UTRN: variants seen among roughly 807,000 people sequenced by gnomAD.
The protein encoded by UTRN is dystrophin-related protein 1.
UTRN carries 283 observed loss-of-function variants against 463.9 expected under a neutral mutation model. The observed-to-expected ratio is 0.61, with a 90% CI of 0.55 to 0.67. The LOEUF (loss-of-function observed/expected upper bound fraction) is 0.67, where lower values mean the gene tolerates loss of function less well. Ranked by LOEUF, UTRN falls within the 30% of genes least tolerant of loss-of-function variation. UTRN has a pLI of 0.00. For missense variants in UTRN, 3,922 were observed against 4,084.3 expected (o/e 0.96, Z 1.08); for synonymous variants, 1,442 against 1,431.5 (o/e 1.01, Z -0.17).
intron 51 of UTRN, among the ~76,000 whole-genome samples, chr6:144,594,855 A>C (rs761639228): frequency 6.6e-6 from 1 of 152,162 alleles, no homozygotes; most frequent in Non-Finnish European, 1.5e-5. Context: ...TGACAGTAAG[A>C]TTTTGAAACC....
intron 2 of UTRN, among the ~76,000 whole-genome samples, chr6:144,396,871 C>A (rs1260039001): frequency 6.6e-6 from 1 of 152,140 alleles, no homozygotes; most frequent in African/African-American, 2.4e-5. Flanking sequence ...CTCTTATATA[C>A]TTCCTACTCC....
At chr6:144,720,747 A>G (rs1787050619) in intron 53 of UTRN, among the ~76,000 whole-genome samples, 1 of 152,014 alleles carries the variant, frequency 6.6e-6, no homozygotes, top group African/African-American at 2.4e-5. Flanking sequence ...TTTTCAACAC[A>G]CAGCTCATGT....
At chr6:144,824,572 T>TTATATATATATATATA (rs71028314) in intron 66 of UTRN, among the ~76,000 whole-genome samples, 2 of 37,898 alleles carry the variant, frequency 5.3e-5, no homozygotes, top group Non-Finnish European at 9.6e-5. Flanking sequence ...AGCATTTTAT[T>TTATATATATATATATA]TATATATATA....
At chr6:144,834,939 C>A (rs534586062) in intron 69 of UTRN, among the ~76,000 whole-genome samples, 1 of 152,218 alleles carries the variant, frequency 6.6e-6, no homozygotes, top group African/African-American at 2.4e-5. Context: ...AAACGGACCA[C>A]GTGCCATCTG....
chr6:144,596,998 G>A (rs1803716838), intron 51 of UTRN, among the ~76,000 whole-genome samples: 1 of 152,104 alleles, frequency 6.6e-6, no homozygotes, highest in Non-Finnish European at 1.5e-5. Flanking sequence ...CAGCACTTTG[G>A]GAGGCCAAGG....
At chr6:144,450,428 C>G (rs146438486) in intron 17 of UTRN, among the ~76,000 whole-genome samples, 1 of 152,162 alleles carries the variant, frequency 6.6e-6, no homozygotes, top group African/African-American at 2.4e-5. Context: ...CTCTGCTTTC[C>G]CTTGGCAAGG....
chr6:144,360,273 A>G (rs1267152707), intron 2 of UTRN, among the ~76,000 whole-genome samples: 1 of 151,702 alleles, frequency 6.6e-6, no homozygotes, highest in Non-Finnish European at 1.5e-5. Context: ...CACGGGTTCA[A>G]GGGATTCTCC....
intron 2 of UTRN, among the ~76,000 whole-genome samples, chr6:144,337,266 C>T (rs1379610555): frequency 6.6e-6 from 1 of 152,064 alleles, no homozygotes; most frequent in Non-Finnish European, 1.5e-5. Context: ...ATTCTCCCCT[C>T]TTAGCACACT....
chr6:144,474,798 A>T (rs374572422), intron 25 of UTRN, 39 bp downstream of exon 25: 1 of 1,593,806 alleles, frequency 6.3e-7, no homozygotes, highest in Non-Finnish European at 8.5e-7. Context: ...TTTTCAGGAG[A>T]TGTAGACTGT....
At chr6:144,821,130 GTAAAT>G in intron 66 of UTRN, 112 bp downstream of exon 66, 3 of 1,299,308 alleles carry the variant, frequency 2.3e-6, no homozygotes, top group Non-Finnish European at 3.1e-6. Context: ...TTTAGAGGAG[GTAAAT>G]TAAACTTGGA....
chr6:144,379,490 G>C (rs571491070), intron 2 of UTRN, among the ~76,000 whole-genome samples: 1 of 152,212 alleles, frequency 6.6e-6, no homozygotes, highest in Non-Finnish European at 1.5e-5. Context: ...TTCTCGCCAC[G>C]TGGGCCTCTC....
rs1016750572 is a variant in UTRN, at chr6:144,577,303, A to G, written c.7479+15A>G. On this transcript the variant is annotated intron_variant, in intron 51 of 74. Transcript: ENST00000367545. ...AGCAGATGCAGGTAAGTGCATGGGA[A>G]ACCACACCAGTACCTGTGTTTGCCC... The G allele has an allele frequency of 6.2e-7, 1 of 1,611,476 alleles. No homozygotes were observed. Among genetic ancestry groups the G allele is most frequent in the Non-Finnish European group, 8.5e-7 (1 of 1,178,438 alleles).
chr6:144,397,194 A>G (rs1045757606), intron 2 of UTRN, among the ~76,000 whole-genome samples: 1 of 152,124 alleles, frequency 6.6e-6, no homozygotes, highest in Non-Finnish European at 1.5e-5. Flanking sequence ...CAGTGAGCCA[A>G]GATCACACCA....
In UTRN at chr6:144,782,248, A is replaced by G. The variant is rs945623230; in HGVS notation, c.8834+125A>G. 3.7e-6 allele frequency: 3 copies of G among 814,106 alleles called. No individual in the cohort carries two copies. In the African/African-American group the frequency reaches 5.2e-5, roughly 14 times the overall value. 50.4% of individuals were successfully genotyped at this position (814,106 alleles called of 1,614,324 possible). ...AATTACTTTCCCAGTGGAAATATTT[A>G]TGTTTGTTGTTGAAACTGAATGATT... On this transcript the variant is annotated intron_variant, in intron 61 of 74. Transcript: ENST00000367545.
At chr6:144,572,651 G>T (rs1801056982) in intron 50 of UTRN, among the ~76,000 whole-genome samples, 1 of 152,058 alleles carries the variant, frequency 6.6e-6, no homozygotes, top group Non-Finnish European at 1.5e-5. Flanking sequence ...TGCAGTGTTT[G>T]GTTTTATGTT....
At chr6:144,351,707 G>T (rs776599351) in intron 2 of UTRN, among the ~76,000 whole-genome samples, 46 of 152,184 alleles carry the variant, frequency 3.0e-4, no homozygotes, top group Admixed American at 6.5e-5. Flanking sequence ...CTGCAGAGAG[G>T]TTATTTCTCC....
chr6:144,291,563 C>T (rs1159841855), intron 1 of UTRN, among the ~76,000 whole-genome samples, 174 bp from the exon 2 acceptor site: 3 of 152,146 alleles, frequency 2.0e-5, no homozygotes, highest in Admixed American at 6.5e-5. Flanking sequence ...GCATAAGCGC[C>T]GTAATGGCAG....
At chr6:144,514,895 C>A in intron 37 of UTRN, 75 bp downstream of exon 37, 1 of 1,398,952 alleles carries the variant, frequency 7.1e-7, no homozygotes, top group Non-Finnish European at 9.6e-7. Context: ...ACAGTACATA[C>A]ATCAACAATT....
intron 2 of UTRN, among the ~76,000 whole-genome samples, chr6:144,385,706 A>G (rs76956655): frequency 7.0e-6 from 1 of 142,552 alleles, no homozygotes; most frequent in Non-Finnish European, 1.5e-5. Flanking sequence ...CCAGAACTCT[A>G]TTTTTTTTTT....
Sources: allele counts gnomAD v4.1 joint callset (sites outside exome capture counted in the v4.1 genomes callset), GRCh38; gene constraint gnomAD v4.1.1; transcripts MANE v1.5; gene names NCBI Gene and HGNC (gene_info 2026-07-23, HGNC 2026-07-21).